RNF128: variants seen among roughly 807,000 people sequenced by gnomAD.
The protein encoded by RNF128 is ring finger protein 128.
A neutral mutation model predicts 26.2 loss-of-function variants in RNF128; 13 were observed. That is an observed-to-expected ratio of 0.50 (90% CI 0.32 to 0.79). RNF128 has a LOEUF of 0.79. Among genes scored for constraint, RNF128 ranks in the 30% least tolerant of loss-of-function variants. RNF128 has a pLI of 0.03. For missense variants in RNF128, 315 were observed against 349.7 expected (o/e 0.90, Z 0.79); for synonymous variants, 149 against 142.5 (o/e 1.05, Z -0.32).
intron 1 of RNF128, among the ~76,000 whole-genome samples, chrX:106,740,109 A>G (rs58662057): frequency 0.077 from 8,662 of 111,781 alleles, 824 homozygotes; most frequent in African/African-American, 0.27. Flanking sequence ...CTTTATGACC[A>G]GCATTATGCT....
Position 106,796,707 on chromosome X carries a change from G to C in RNF128, c.*994G>C, listed in dbSNP as rs763923095. 3.6e-5 allele frequency: 4 copies of C among 111,310 alleles called. No individual in the cohort carries two copies. Among genetic ancestry groups the C allele is most frequent in the Middle Eastern group, 4.3e-3 (1 of 234 alleles). The allele number at this position is 111,310 out of a possible 1,213,427, so 9.2% of individuals were successfully genotyped here. ...ATTTTCCTGGTGTTTGAAAAAGAAG[G>C]GGGGGAGAATTCCAGGTGCCTTAAT... On this transcript the variant is annotated 3_prime_UTR_variant, in exon 7 of 7. Coordinates refer to ENST00000255499, the MANE Select transcript of RNF128 (RefSeq NM_194463.2).
chrX:106,766,238 G>A (rs778065330), intron 1 of RNF128, among the ~76,000 whole-genome samples: 1 of 111,690 alleles, frequency 9.0e-6, no homozygotes, highest in African/African-American at 3.3e-5. Flanking sequence ...CCCAGTAATG[G>A]GATGGCTAGA....
exon 1 of RNF128, chrX:106,694,268 A>C (rs1400085628): frequency 2.5e-6 from 3 of 1,209,374 alleles, no homozygotes; most frequent in Non-Finnish European, 3.4e-6. Flanking sequence ...AATACTAAGA[A>C]GCCCTGGATT....
rs748728638 is a variant in RNF128, at chrX:106,773,175, T to C, written c.732+15T>C. 1 of 1,187,978 alleles carries C rather than the reference T, an allele frequency of 8.4e-7. No homozygotes were observed. Among genetic ancestry groups the C allele is most frequent in the Non-Finnish European group, 1.1e-6 (1 of 885,383 alleles). ...GCAGGAAGCAGGTTTGTAATGGTCC[T>C]TTCTTCCACTATTAAAAAAAATTTA... On this transcript the variant is annotated intron_variant, in intron 2 of 6. Transcript: ENST00000255499.
chrX:106,744,246 T>C (rs1284520791), intron 1 of RNF128, among the ~76,000 whole-genome samples: 1 of 111,244 alleles, frequency 9.0e-6, no homozygotes, highest in Non-Finnish European at 1.9e-5. Context: ...ACTTAAAGTA[T>C]AATAAAAAAA....
intron 1 of RNF128, among the ~76,000 whole-genome samples, chrX:106,746,428 C>G (rs1449412753): frequency 9.0e-6 from 1 of 111,027 alleles, no homozygotes; most frequent in Admixed American, 9.6e-5. Flanking sequence ...TCCAGAGGCA[C>G]AGAACTTATT....
At chrX:106,738,873 T>G (rs930344658) in intron 1 of RNF128, among the ~76,000 whole-genome samples, 2 of 111,888 alleles carry the variant, frequency 1.8e-5, no homozygotes, top group Admixed American at 9.5e-5. Flanking sequence ...AAGGATAGCT[T>G]GACCATCTCC....
At chrX:106,782,487 A>G (rs7877910) in intron 2 of RNF128, among the ~76,000 whole-genome samples, 1,431 of 111,574 alleles carry the variant, frequency 0.013, 26 homozygotes, top group African/African-American at 0.044. Context: ...ATCAAAAGAC[A>G]GATGAGTTAT....
chrX:106,751,316 C>G (rs941300665), intron 1 of RNF128, among the ~76,000 whole-genome samples: 1 of 110,773 alleles, frequency 9.0e-6, no homozygotes. Context: ...CATCAGAACT[C>G]AGTGCTACCC....
intron 1 of RNF128, among the ~76,000 whole-genome samples, chrX:106,714,823 G>A (rs1297830921): frequency 1.8e-5 from 2 of 111,472 alleles, no homozygotes; most frequent in Non-Finnish European, 3.8e-5. Flanking sequence ...TTTGGGATTG[G>A]CTTTTTTCAT....
Position 106,795,815 on chromosome X carries a change from G to A in RNF128, c.*102G>A. On this transcript the variant is annotated 3_prime_UTR_variant, in exon 7 of 7. Coordinates refer to ENST00000255499, the MANE Select transcript of RNF128 (RefSeq NM_194463.2). ...TGGATAAATTTAATAAAATAAGAGT[G>A]ATACTGAAAGTGCTCAGATGACTAA... The A allele has an allele frequency of 1.5e-6, 1 of 671,248 alleles. No homozygotes were observed. The highest frequency in any genetic ancestry group is 3.7e-5 in the East Asian group (1 of 26,943). 55.3% of individuals were successfully genotyped at this position (671,248 alleles called of 1,213,427 possible).
intron 1 of RNF128, chrX:106,694,491 G>A: frequency 1.4e-6 from 1 of 714,973 alleles, no homozygotes; most frequent in African/African-American, 2.2e-5. Context: ...TCTAGGATCT[G>A]GCAACAAGGT....
intron 2 of RNF128, among the ~76,000 whole-genome samples, chrX:106,775,846 T>C (rs1340334577): frequency 8.9e-6 from 1 of 111,756 alleles, no homozygotes; most frequent in Non-Finnish European, 1.9e-5. Flanking sequence ...ATTTAATATA[T>C]TCAAGAATTT....
chrX:106,738,726 C>T (rs1343753816), intron 1 of RNF128, among the ~76,000 whole-genome samples: 1 of 111,836 alleles, frequency 8.9e-6, no homozygotes, highest in African/African-American at 3.2e-5. Context: ...AACTTTGTGA[C>T]CTTAACCAAA....
In RNF128 at chrX:106,795,746, T is replaced by C. The variant is rs1930905494; in HGVS notation, c.*33T>C. 8.9e-7 allele frequency: 1 copy of C among 1,122,449 alleles called. No individual in the cohort carries two copies. The highest frequency in any genetic ancestry group is 1.2e-6 in the Non-Finnish European group (1 of 836,682). 92.5% of individuals were successfully genotyped at this position (1,122,449 alleles called of 1,213,427 possible). A position where few individuals can be genotyped will look rare whatever the true frequency, so the allele number is the denominator to read the frequency against. ...GTAAATAGAAAACTTGAACCATTAG[T>C]AATAACAGAACTGCCAATCAGGGCC... On this transcript the variant is annotated 3_prime_UTR_variant, in exon 7 of 7. Coordinates refer to ENST00000255499, the MANE Select transcript of RNF128 (RefSeq NM_194463.2).
At position 106,727,287 on chromosome X, in the gene RNF128, G is replaced by A; in HGVS notation, c.374G>A (p.Gly125Asp). 1.7e-6 allele frequency: 2 copies of A among 1,211,823 alleles called. No individual in the cohort carries two copies. Among genetic ancestry groups the A allele is most frequent in the Non-Finnish European group, 1.1e-6 (1 of 895,481 alleles). Residue 125 changes from glycine (G) to aspartate (D), a missense_variant, in exon 1 of 7, where the codon GGC (glycine) becomes GAC (aspartate). Physicochemically the swap from Gly to Asp is moderately conservative, Grantham distance 94. Coordinates refer to ENST00000255499, the MANE Select transcript of RNF128 (RefSeq NM_194463.2). ...SWLALIQRGG[G>D]CTFADKIHLA... is the part of the protein sequence containing the mutation. ...TTGGCCCTCATCCAACGCGGCGGGG[G>A]CTGCACCTTCGCAGACAAGATCCAT...
upstream of RNF128, among the ~76,000 whole-genome samples, chrX:106,725,052 C>T (rs755877966): frequency 6.2e-5 from 7 of 112,194 alleles, no homozygotes; most frequent in South Asian, 2.6e-3. Context: ...CTTCAAAGTA[C>T]AATATAGTTG....
At chrX:106,726,694 G>C (rs1025283841), upstream of RNF128, 11 of 1,018,571 alleles carry the variant, frequency 1.1e-5, no homozygotes, top group South Asian at 2.9e-5. Flanking sequence ...AGCCCGACGC[G>C]GCAGCCGCGG....
At chrX:106,792,016 T>G (rs1271191951) in intron 6 of RNF128, among the ~76,000 whole-genome samples, 1 of 111,298 alleles carries the variant, frequency 9.0e-6, no homozygotes, top group Non-Finnish European at 1.9e-5. Flanking sequence ...AACTTTCAGC[T>G]TCCTATTATA....
Sources: allele counts gnomAD v4.1 joint callset (sites outside exome capture counted in the v4.1 genomes callset), GRCh38; gene constraint gnomAD v4.1.1; transcripts MANE v1.5; gene names NCBI Gene and HGNC (gene_info 2026-07-23, HGNC 2026-07-21).